Variants in NKAIN3 observed in about 807,000 individuals in gnomAD.
NKAIN3 encodes the protein sodium/potassium transporting ATPase interacting 3.
In NKAIN3, 25 loss-of-function variants were observed where a neutral mutation model predicts 30.2. That is an observed-to-expected ratio of 0.83 (90% confidence interval 0.60 to 1.16). NKAIN3 has a LOEUF of 1.16. Ranked by LOEUF, NKAIN3 falls within the 50% of genes most tolerant of loss-of-function variation. The probability of loss-of-function intolerance (pLI) is 0.00; values close to 1 mark genes in which losing one functional copy is unlikely to be tolerated. For synonymous variants in NKAIN3, 91 were observed against 89.6 expected, an observed-to-expected ratio of 1.02 and a Z score of -0.09; for missense variants, 225 against 254.1, an observed-to-expected ratio of 0.89 and a Z score of 0.78.
chr8:62,968,590 C>T lies in NKAIN3; in HGVS notation c.*3183C>T, dbSNP rs2130911894. On this transcript the variant is annotated 3_prime_UTR_variant, in exon 7 of 7. Transcript: ENST00000623646. ...ATTCAATAGCTCTCCTCAGAAGTGGCCCTGGCAAAACTGAAGATAGGACAT... is the reference window on the plus strand; with the variant it reads ...ATTCAATAGCTCTCCTCAGAAGTGGTCCTGGCAAAACTGAAGATAGGACAT... Among the ~76,000 whole-genome samples the T allele has an allele frequency of 6.6e-6, 1 of 152,280 alleles. No homozygotes were observed. The highest frequency in any genetic ancestry group is 2.4e-5 in the African/African-American group (1 of 41,576).
At chr8:62,558,972 G>A (rs1407582531) in intron 1 of NKAIN3, among the ~76,000 whole-genome samples, 1 of 151,944 alleles carries the variant, frequency 6.6e-6, no homozygotes, top group Non-Finnish European at 1.5e-5. Flanking sequence ...TAGTTTCAAA[G>A]TTTGAGAGAG....
chr8:62,611,712 C>T (rs1811297390), intron 3 of NKAIN3, among the ~76,000 whole-genome samples: 1 of 152,064 alleles, frequency 6.6e-6, no homozygotes, highest in South Asian at 2.1e-4. Flanking sequence ...TAGGTTGCTT[C>T]AAATCTTCCC....
chr8:62,564,017 T>C (rs1191555933), intron 1 of NKAIN3, among the ~76,000 whole-genome samples: 2 of 152,146 alleles, frequency 1.3e-5, no homozygotes, highest in African/African-American at 2.4e-5. Context: ...AAGCCCACAA[T>C]TGGACTCTGT....
chr8:62,906,833 T>G (rs1207015988), intron 4 of NKAIN3, among the ~76,000 whole-genome samples: 1 of 152,170 alleles, frequency 6.6e-6, no homozygotes, highest in African/African-American at 2.4e-5. Flanking sequence ...AGTATTGGGT[T>G]GTATGTCTTT....
At chr8:62,766,357 A>T (rs1816838649) in intron 4 of NKAIN3, among the ~76,000 whole-genome samples, 1 of 152,188 alleles carries the variant, frequency 6.6e-6, no homozygotes, top group Admixed American at 6.5e-5. Context: ...AGAATCATAC[A>T]CCAAGCAAGT....
At position 62,975,977 on chromosome 8, in the gene NKAIN3, A is replaced by G. The variant is rs1013751806; in HGVS notation, c.*10570A>G. Among the ~76,000 whole-genome samples the G allele has an allele frequency of 6.6e-6, 1 of 152,162 alleles. No individual in the cohort carries two copies. Among genetic ancestry groups the G allele is most frequent in the Non-Finnish European group, 1.5e-5 (1 of 68,020 alleles). ...TTCAGAAGCAGGTTGTTCAGTTTCCATGTAGTTGTGTGGTTTTGAGTGAGT... is the reference window on the plus strand; with the variant it reads ...TTCAGAAGCAGGTTGTTCAGTTTCCGTGTAGTTGTGTGGTTTTGAGTGAGT... On this transcript the variant is annotated 3_prime_UTR_variant, in exon 7 of 7. Transcript: ENST00000623646.
intron 1 of NKAIN3, among the ~76,000 whole-genome samples, chr8:62,479,410 A>G (rs1563417064): frequency 6.6e-6 from 1 of 152,092 alleles, no homozygotes; most frequent in Non-Finnish European, 1.5e-5. Context: ...CCCAAATCAC[A>G]TGGCTTCTAC....
chr8:62,271,670 C>T (rs1812782705), intron 1 of NKAIN3, among the ~76,000 whole-genome samples: 2 of 152,040 alleles, frequency 1.3e-5, no homozygotes, highest in African/African-American at 4.8e-5. Flanking sequence ...TGTGATAGCA[C>T]TAGAGAGGAT....
At chr8:62,377,229 T>C (rs1342633920) in intron 1 of NKAIN3, among the ~76,000 whole-genome samples, 1 of 152,202 alleles carries the variant, frequency 6.6e-6, no homozygotes, top group African/African-American at 2.4e-5. Context: ...TTCTTCCCTC[T>C]TTGTTTCTTT....
At chr8:62,790,158 A>G (rs1817657906) in intron 4 of NKAIN3, among the ~76,000 whole-genome samples, 1 of 152,194 alleles carries the variant, frequency 6.6e-6, no homozygotes, top group African/African-American at 2.4e-5. Flanking sequence ...CTGGTTCAAC[A>G]TATGAAAATC....
chr8:62,869,791 A>G (rs1295461371), intron 4 of NKAIN3, among the ~76,000 whole-genome samples: 6 of 151,926 alleles, frequency 3.9e-5, no homozygotes, highest in African/African-American at 1.4e-4. Context: ...GTTTTGAGAC[A>G]GAGTCTAGCT....
At chr8:62,414,038 G>C (rs1407894767) in intron 1 of NKAIN3, among the ~76,000 whole-genome samples, 2 of 152,020 alleles carry the variant, frequency 1.3e-5, no homozygotes, top group Admixed American at 1.3e-4. Flanking sequence ...AGTAAATGTT[G>C]ATAAAGCTTG....
intron 1 of NKAIN3, among the ~76,000 whole-genome samples, chr8:62,365,937 C>G (rs1816723871): frequency 6.6e-6 from 1 of 152,004 alleles, no homozygotes; most frequent in African/African-American, 2.4e-5. Flanking sequence ...TGGACGTATT[C>G]CCCCCGCTTG....
At chr8:62,310,003 A>G (rs1250782597) in intron 1 of NKAIN3, among the ~76,000 whole-genome samples, 1 of 150,596 alleles carries the variant, frequency 6.6e-6, no homozygotes, top group Non-Finnish European at 1.5e-5. Context: ...GAAAAATTCT[A>G]AAGTTATTAT....
rs529853303 is a variant in NKAIN3 at position 62,826,148 on chromosome 8, C to T, written c.471+79019C>T. On this transcript the variant is annotated intron_variant, in intron 4 of 6. Transcript: ENST00000623646. ...TAAAGAGATACTGCACTTTAATAAC[C>T]TATGTTATCTTAGCCTCATTTCCTA... Among the ~76,000 whole-genome samples, 4 of 152,226 alleles carry T rather than the reference C, an allele frequency of 2.6e-5. No homozygotes were observed. In the East Asian group the frequency reaches 5.8e-4, roughly 22 times the overall value.
intron 4 of NKAIN3, among the ~76,000 whole-genome samples, chr8:62,834,248 C>T (rs779171104): frequency 5.9e-5 from 9 of 151,994 alleles, no homozygotes; most frequent in Admixed American, 1.3e-4. Context: ...TGGAAGCATG[C>T]CCCTTAAGAA....
At chr8:62,420,173 C>T (rs925597941) in intron 1 of NKAIN3, among the ~76,000 whole-genome samples, 2 of 152,102 alleles carry the variant, frequency 1.3e-5, no homozygotes, top group African/African-American at 4.8e-5. Flanking sequence ...TCTTATGAGT[C>T]ACGTGTGTGA....
At chr8:62,927,663 G>A (rs572748976) in intron 5 of NKAIN3, among the ~76,000 whole-genome samples, 1 of 152,166 alleles carries the variant, frequency 6.6e-6, no homozygotes, top group East Asian at 1.9e-4. Context: ...AGATTAAGCA[G>A]ATTTCTGATG....
intron 4 of NKAIN3, among the ~76,000 whole-genome samples, chr8:62,842,850 T>C (rs62510763): frequency 0.11 from 16,789 of 151,908 alleles, 989 homozygotes; most frequent in African/African-American, 0.15. Context: ...TACACTATGC[T>C]CCAAAATAAA....
Sources: gnomAD v4.1 joint callset for allele counts (sites outside exome capture counted in the v4.1 genomes callset) on GRCh38, gnomAD v4.1.1 for gene constraint, MANE v1.5 for transcripts, NCBI Gene and HGNC (gene_info 2026-07-23, HGNC 2026-07-21) for gene names.